Variants in CDC42BPA observed in about 807,000 individuals in gnomAD.
The protein encoded by CDC42BPA is serine/threonine-protein kinase MRCK alpha.
Under a neutral mutation model 223.5 loss-of-function variants are expected in CDC42BPA, and 80 were observed. The ratio of observed to expected loss-of-function variants is 0.36; its 90% CI spans 0.30 to 0.43. CDC42BPA has a LOEUF of 0.43. Among genes scored for constraint, CDC42BPA ranks in the 20% least tolerant of loss-of-function variants. CDC42BPA has a pLI of 1.00. For missense variants in CDC42BPA, 1,743 were observed against 2,099.9 expected (o/e 0.83, Z 3.32); for synonymous variants, 694 against 718.6 (o/e 0.97, Z 0.55).
chr1:227,033,273 G>A (rs1669645912), intron 27 of CDC42BPA, 61 bp downstream of exon 27: 1 of 1,068,366 alleles, frequency 9.4e-7, no homozygotes, highest in South Asian at 1.3e-5. Context: ...TATATAGGGA[G>A]GCAAAATATA....
In CDC42BPA at chr1:227,199,670, A is replaced by C; in HGVS notation, c.355-18T>G. On this transcript the variant is annotated intron_variant, in intron 3 of 36. Transcript: ENST00000366766. ...CATGCTGTCTGAAACACAAAAAGAA[A>C]ATTTTTAGAGCATACTTTATGTAAA... The C allele has an allele frequency of 2.4e-6, 3 of 1,261,294 alleles. No individual in the cohort carries two copies. The highest frequency in any genetic ancestry group is 3.5e-6 in the Non-Finnish European group (3 of 864,890). 78.1% of individuals were successfully genotyped at this position (1,261,294 alleles called of 1,614,324 possible). A position where few individuals can be genotyped will look rare whatever the true frequency, so the allele number is the denominator to read the frequency against.
chr1:227,209,505 G>A (rs1244130753), intron 3 of CDC42BPA, among the ~76,000 whole-genome samples: 1 of 138,738 alleles, frequency 7.2e-6, no homozygotes, highest in African/African-American at 2.8e-5. Context: ...GTCATAGATA[G>A]CTCTTATTAT....
chr1:227,164,502 T>C (rs1010716926), intron 5 of CDC42BPA, among the ~76,000 whole-genome samples: 1 of 151,404 alleles, frequency 6.6e-6, no homozygotes, highest in African/African-American at 2.4e-5. Context: ...TCTGTCTCTA[T>C]AAAAAAAAAT....
At chr1:227,227,240 C>A (rs548203775) in intron 2 of CDC42BPA, among the ~76,000 whole-genome samples, 100 of 152,054 alleles carry the variant, frequency 6.6e-4, no homozygotes, top group African/African-American at 2.3e-3. Flanking sequence ...TAGAAAATAT[C>A]CCGTCAACAG....
intron 6 of CDC42BPA, among the ~76,000 whole-genome samples, chr1:227,155,495 A>T (rs1204728705): frequency 3.9e-5 from 6 of 152,226 alleles, no homozygotes; most frequent in Admixed American, 2.6e-4. Context: ...TTCCATGAAG[A>T]CGATGAAAGG....
intron 30 of CDC42BPA, among the ~76,000 whole-genome samples, chr1:227,027,050 C>T (rs1668393564): frequency 6.6e-6 from 1 of 152,132 alleles, no homozygotes; most frequent in Non-Finnish European, 1.5e-5. Context: ...GCCTCAGCCT[C>T]CTGAAGTGCT....
At chr1:227,274,015 AAAAAAAG>A (rs1558927173) in intron 1 of CDC42BPA, among the ~76,000 whole-genome samples, 1 of 149,040 alleles carries the variant, frequency 6.7e-6, no homozygotes, top group African/African-American at 2.5e-5. Context: ...AAAAAAAAAA[AAAAAAAG>A]GAAGAGTATT....
chr1:227,132,737 C>T (rs971204712), intron 10 of CDC42BPA, among the ~76,000 whole-genome samples: 1 of 151,674 alleles, frequency 6.6e-6, no homozygotes, highest in African/African-American at 2.4e-5. Context: ...AGCGTCTCTG[C>T]CCGCCCGCCC....
chr1:227,183,589 T>G (rs1490161422), intron 5 of CDC42BPA: 1 of 152,248 alleles, frequency 6.6e-6, no homozygotes, highest in Non-Finnish European at 1.5e-5. Context: ...TTGTTAACTA[T>G]TCACCCACTG....
chr1:227,138,660 T>C (rs998939798), intron 10 of CDC42BPA, among the ~76,000 whole-genome samples: 2 of 151,744 alleles, frequency 1.3e-5, no homozygotes, highest in East Asian at 1.9e-4. Flanking sequence ...CTAGGGGAAA[T>C]AGCATGAAGA....
intron 2 of CDC42BPA, among the ~76,000 whole-genome samples, chr1:227,241,793 T>C (rs1572579921): frequency 6.6e-6 from 1 of 152,136 alleles, no homozygotes; most frequent in Admixed American, 6.5e-5. Context: ...GGTATTTCAA[T>C]GTATGTAAAA....
At chr1:227,253,725 T>G (rs2148281441) in intron 2 of CDC42BPA, among the ~76,000 whole-genome samples, 1 of 151,702 alleles carries the variant, frequency 6.6e-6, no homozygotes, top group Middle Eastern at 3.4e-3. Context: ...GAAGTCAGAG[T>G]ATATACACTA....
chr1:227,199,013 G>C (rs1452923657), intron 4 of CDC42BPA, among the ~76,000 whole-genome samples: 1 of 152,168 alleles, frequency 6.6e-6, no homozygotes, highest in Non-Finnish European at 1.5e-5. Context: ...CTCCCAAAGT[G>C]CTGGGATTAC....
intron 5 of CDC42BPA, among the ~76,000 whole-genome samples, chr1:227,165,858 A>C (rs543313012): frequency 2.6e-5 from 4 of 152,314 alleles, no homozygotes; most frequent in African/African-American, 9.6e-5. Flanking sequence ...TGCTGGAGAG[A>C]CTACTTTTCA....
At chr1:227,182,016 AGGGGAAAATGATTACT>A (rs1000668783) in intron 5 of CDC42BPA, among the ~76,000 whole-genome samples, 7 of 152,186 alleles carry the variant, frequency 4.6e-5, no homozygotes, top group African/African-American at 1.7e-4. Flanking sequence ...ATTAAATATA[AGGGGAAAATGATTACT>A]TTTATTTTCC....
rs536292756 is a variant in CDC42BPA, at chr1:227,117,176, G to A, written c.1647+2628C>T. On this transcript the variant is annotated intron_variant, in intron 12 of 36. Coordinates refer to ENST00000366766, the MANE Select transcript of CDC42BPA (RefSeq NM_001394014.1). ...GAAGGGAGCCATGTAGTTATTCTTT[G>A]CTGTATGTAAGTAATAACAATCCGT... Among the ~76,000 whole-genome samples, 102 of 152,262 alleles carry A rather than the reference G, an allele frequency of 6.7e-4. No individual in the cohort carries two copies. In the South Asian group the frequency reaches 1.0e-2, roughly 15 times the overall value.
chr1:227,212,685 G>A (rs998800572), intron 3 of CDC42BPA, among the ~76,000 whole-genome samples: 3 of 152,018 alleles, frequency 2.0e-5, no homozygotes, highest in African/African-American at 2.4e-5. Context: ...TACAACTCCT[G>A]TAATATAAAA....
chr1:227,176,892 T>A (rs1667044113), intron 5 of CDC42BPA, among the ~76,000 whole-genome samples: 3 of 152,084 alleles, frequency 2.0e-5, no homozygotes, highest in Admixed American at 2.0e-4. Context: ...TAAATCTTTA[T>A]CATAAAGCTT....
At chr1:227,177,908 T>C (rs1667245946) in intron 5 of CDC42BPA, among the ~76,000 whole-genome samples, 4 of 152,156 alleles carry the variant, frequency 2.6e-5, no homozygotes, top group South Asian at 2.1e-4. Flanking sequence ...TTTATTCCTA[T>C]GTAATCTCCT....
Sources: gnomAD v4.1 joint callset for allele counts (sites outside exome capture counted in the v4.1 genomes callset) on GRCh38, gnomAD v4.1.1 for gene constraint, MANE v1.5 for transcripts, NCBI Gene and HGNC (gene_info 2026-07-23, HGNC 2026-07-21) for gene names.